Variants in WDPCP observed in about 807,000 individuals in gnomAD.
The protein encoded by WDPCP is WD repeat-containing and planar cell polarity effector protein fritz homolog.
Under a neutral mutation model 93.1 loss-of-function variants are expected in WDPCP, and 71 were observed. The ratio of observed to expected loss-of-function variants is 0.76; its 90% CI spans 0.63 to 0.93. WDPCP has a LOEUF of 0.93. WDPCP is among the 40% of genes least tolerant of loss of function. The probability of loss-of-function intolerance (pLI) is 0.00; values close to 1 mark genes in which losing one functional copy is unlikely to be tolerated. For synonymous variants in WDPCP, 315 were observed against 315.0 expected (o/e 1.00, Z 0.00); for missense variants, 844 against 887.4 (o/e 0.95, Z 0.62).
chr2:63,339,480 T>G (rs745323944), intron 12 of WDPCP, among the ~76,000 whole-genome samples: 5 of 152,120 alleles, frequency 3.3e-5, no homozygotes, highest in Admixed American at 1.3e-4. Flanking sequence ...GCCTGATTTA[T>G]TTTTTAGATT....
intron 3 of WDPCP, chr2:63,597,245 T>C: frequency 1.0e-6 from 1 of 965,388 alleles, no homozygotes. Flanking sequence ...GTTAAATTAA[T>C]ATATTATCTT....
intron 3 of WDPCP, chr2:63,595,301 A>G: frequency 2.8e-6 from 2 of 720,048 alleles, no homozygotes; most frequent in Non-Finnish European, 5.1e-6. Flanking sequence ...TAAAATAATC[A>G]TCATGACTAA....
chr2:63,696,948 A>G (rs952421591), intron 2 of WDPCP, among the ~76,000 whole-genome samples: 1 of 152,244 alleles, frequency 6.6e-6, no homozygotes, highest in African/African-American at 2.4e-5. Flanking sequence ...CCTACCTGGT[A>G]CATAGTCTGT....
intron 2 of WDPCP, among the ~76,000 whole-genome samples, chr2:63,697,418 A>G (rs978885885): frequency 5.9e-5 from 9 of 152,184 alleles, no homozygotes; most frequent in African/African-American, 1.9e-4. Flanking sequence ...TGACAAATGA[A>G]ATGTTAATCA....
At chr2:63,817,496 A>G (rs182450374) in intron 1 of WDPCP, among the ~76,000 whole-genome samples, 35 of 152,312 alleles carry the variant, frequency 2.3e-4, no homozygotes, top group Non-Finnish European at 1.5e-5. Flanking sequence ...ATGAGGACTG[A>G]AATTACACAT....
At chr2:63,266,235 A>G (rs1212301182) in intron 13 of WDPCP, among the ~76,000 whole-genome samples, 2 of 152,194 alleles carry the variant, frequency 1.3e-5, no homozygotes. Context: ...TGATGACACA[A>G]TCTTACATAC....
chr2:63,417,047 G>A (rs560003427), intron 9 of WDPCP, among the ~76,000 whole-genome samples: 3 of 152,252 alleles, frequency 2.0e-5, no homozygotes, highest in African/African-American at 4.8e-5. Flanking sequence ...ATTCACTTGT[G>A]TTACAAGATT....
chr2:63,248,954 T>C (rs1680503325), intron 14 of WDPCP, among the ~76,000 whole-genome samples: 1 of 152,134 alleles, frequency 6.6e-6, no homozygotes, highest in Non-Finnish European at 1.5e-5. Context: ...ATGGTTTCCT[T>C]TCACTCTTTG....
chr2:63,438,010 A>G, intron 7 of WDPCP: 1 of 1,292,228 alleles, frequency 7.7e-7, no homozygotes, highest in South Asian at 2.9e-5. Context: ...AAAAATTTTC[A>G]TCAGTGAATC....
chr2:63,507,219 C>A (rs1238007441), intron 1 of WDPCP, among the ~76,000 whole-genome samples: 1 of 151,068 alleles, frequency 6.6e-6, no homozygotes, highest in Non-Finnish European at 1.5e-5. Context: ...TCTCAAAATA[C>A]TGGAGATAAA....
chr2:63,669,567 C>T (rs1034844151), intron 2 of WDPCP, among the ~76,000 whole-genome samples: 4 of 152,142 alleles, frequency 2.6e-5, no homozygotes, highest in African/African-American at 7.2e-5. Flanking sequence ...GCCATGATGG[C>T]CAGGCTGGTC....
At chr2:63,272,991 C>T (rs1361972788) in intron 13 of WDPCP, among the ~76,000 whole-genome samples, 2 of 152,072 alleles carry the variant, frequency 1.3e-5, no homozygotes, top group African/African-American at 2.4e-5. Flanking sequence ...ATTCTAAAAA[C>T]AGCAAGAGAA....
chr2:63,601,779 G>C (rs1709422974), intron 3 of WDPCP, among the ~76,000 whole-genome samples: 1 of 152,192 alleles, frequency 6.6e-6, no homozygotes, highest in South Asian at 2.1e-4. Context: ...CTGTACTTGG[G>C]AGCATTGAAG....
chr2:63,183,262 T>G (rs1438252543), intron 14 of WDPCP, among the ~76,000 whole-genome samples: 1 of 152,058 alleles, frequency 6.6e-6, no homozygotes, highest in Non-Finnish European at 1.5e-5. Flanking sequence ...GCTGTAAGCA[T>G]TTAATGCTAT....
upstream of WDPCP, among the ~76,000 whole-genome samples, chr2:63,832,429 T>TGGGGGGG (rs567271560): frequency 6.7e-6 from 1 of 150,138 alleles, no homozygotes; most frequent in Non-Finnish European, 1.5e-5. Flanking sequence ...GGTGTTGGGG[T>TGGGGGGG]GGGGGGGGGA....
At chr2:63,127,123 T>C (rs1024919351) in intron 17 of WDPCP, among the ~76,000 whole-genome samples, 1 of 16,628 alleles carries the variant, frequency 6.0e-5, no homozygotes, top group African/African-American at 1.6e-4. Flanking sequence ...ATATTTAACT[T>C]TTTTTTTTTT....
chr2:63,177,573 G>C (rs774258846), intron 14 of WDPCP, among the ~76,000 whole-genome samples: 4 of 152,124 alleles, frequency 2.6e-5, no homozygotes, highest in Non-Finnish European at 5.9e-5. Flanking sequence ...ATTTTTGTAT[G>C]TTGACTTGTA....
chr2:63,336,188 C>A (rs562644625), intron 12 of WDPCP, among the ~76,000 whole-genome samples: 2 of 152,298 alleles, frequency 1.3e-5, no homozygotes, highest in Admixed American at 6.5e-5. Flanking sequence ...ACCCTGAATT[C>A]TTTCTTGCAC....
intron 10 of WDPCP, among the ~76,000 whole-genome samples, chr2:63,399,976 A>C (rs966859913): frequency 6.6e-6 from 1 of 152,214 alleles, no homozygotes; most frequent in Non-Finnish European, 1.5e-5. Flanking sequence ...TGAAAAAATA[A>C]AGTAAATTGA....
Sources: gnomAD v4.1 joint callset for allele counts (sites outside exome capture counted in the v4.1 genomes callset) on GRCh38, gnomAD v4.1.1 for gene constraint, MANE v1.5 for transcripts, NCBI Gene and HGNC (gene_info 2026-07-23, HGNC 2026-07-21) for gene names.